Variants in RTN1 observed in about 807,000 individuals in gnomAD.
RTN1 encodes reticulon 1.
In RTN1, 25 loss-of-function variants were observed where a neutral mutation model predicts 65.5. That is an observed-to-expected ratio of 0.38 (90% CI 0.28 to 0.53). The LOEUF is 0.53. RTN1 is among the 20% of genes least tolerant of loss of function. The pLI, the probability that RTN1 is intolerant of heterozygous loss-of-function variation, is 0.79. For missense variants in RTN1, 983 were observed against 1,025.4 expected (o/e 0.96, Z 0.57); for synonymous variants, 471 against 447.6 (o/e 1.05, Z -0.66).
chr14:59,767,652 A>C (rs552177630), intron 1 of RTN1, among the ~76,000 whole-genome samples: 5 of 152,332 alleles, frequency 3.3e-5, no homozygotes, highest in African/African-American at 1.2e-4. Flanking sequence ...GGGGTGGGTT[A>C]CTTTAGATAA....
intron 3 of RTN1, among the ~76,000 whole-genome samples, chr14:59,615,322 G>C (rs1882071945): frequency 6.6e-6 from 1 of 152,118 alleles, no homozygotes. Flanking sequence ...GGTAGCGCAT[G>C]CCTGTAATCC....
intron 1 of RTN1, among the ~76,000 whole-genome samples, chr14:59,854,777 C>T (rs1887575374): frequency 6.6e-6 from 1 of 152,048 alleles, no homozygotes; most frequent in Non-Finnish European, 1.5e-5. Context: ...CACTTACTAG[C>T]TATATGATCA....
intron 3 of RTN1, among the ~76,000 whole-genome samples, chr14:59,698,948 T>G (rs906871130): frequency 1.3e-5 from 2 of 152,198 alleles, no homozygotes; most frequent in Non-Finnish European, 2.9e-5. Context: ...CAACTGGAGT[T>G]GCTGAGTCAT....
In RTN1 at chr14:59,836,240, C is replaced by A. The variant is rs1234111560; in HGVS notation, c.241+34150G>T. ...AGGTTCCAGGGATTAGACGTGGACA[C>A]CTTTGGGAGCCATTATTCTGCCTAC... On this transcript the variant is annotated intron_variant, in intron 1 of 8. Coordinates refer to ENST00000267484, the MANE Select transcript of RTN1 (RefSeq NM_021136.3). This position sits in a 1 kb window ranked among gnomAD's most constrained non-coding sequence, Gnocchi z 4.9. Among the ~76,000 whole-genome samples the A allele has an allele frequency of 1.3e-5, 2 of 152,228 alleles. No individual in the cohort carries two copies. Among genetic ancestry groups the A allele is most frequent in the Admixed American group, 6.5e-5 (1 of 15,270 alleles).
chr14:59,746,362 T>C lies in RTN1; in HGVS notation c.361A>G (p.Thr121Ala). The C allele has an allele frequency of 5.0e-6, 8 of 1,614,120 alleles. No individual in the cohort carries two copies. Among genetic ancestry groups the C allele is most frequent in the Non-Finnish European group, 6.8e-6 (8 of 1,179,982 alleles). ...TTCTGAAGAATTCCAGTAAAATATG[T>C]AGAATCCTCCTGAGGTGGATAGCAG... Reference protein sequence around the residue: ...DICYPPQEDSTYFTGILQKEN... With the variant: ...DICYPPQEDSAYFTGILQKEN... Residue 121 changes from threonine (T) to alanine (A), a missense_variant, in exon 2 of 9, where the codon ACA (threonine) becomes GCA (alanine). Physicochemically the swap from Thr to Ala is moderately conservative, Grantham distance 58. Coordinates refer to ENST00000267484, the MANE Select transcript of RTN1 (RefSeq NM_021136.3).
chr14:59,681,812 C>T (rs1177217379), intron 3 of RTN1, among the ~76,000 whole-genome samples: 1 of 152,170 alleles, frequency 6.6e-6, no homozygotes, highest in Non-Finnish European at 1.5e-5. Flanking sequence ...TCCCAGATTC[C>T]TGTTTCTGTC....
chr14:59,773,810 A>G (rs1238487362), intron 1 of RTN1, among the ~76,000 whole-genome samples: 1 of 152,136 alleles, frequency 6.6e-6, no homozygotes, highest in African/African-American at 2.4e-5. Flanking sequence ...TCATCTCATT[A>G]ATTATCCTAA....
At chr14:59,718,109 T>A (rs1335785409) in intron 3 of RTN1, among the ~76,000 whole-genome samples, 1 of 152,196 alleles carries the variant, frequency 6.6e-6, no homozygotes, top group East Asian at 1.9e-4. Context: ...TTCCTGCCAT[T>A]CACACCCACT....
chr14:59,801,464 GA>G (rs1308919738), intron 1 of RTN1, among the ~76,000 whole-genome samples: 1 of 151,740 alleles, frequency 6.6e-6, no homozygotes, highest in Non-Finnish European at 1.5e-5. Context: ...CATACTGAAA[GA>G]AAAAAATAGT....
At chr14:59,786,097 T>C (rs1886245302) in intron 1 of RTN1, among the ~76,000 whole-genome samples, 1 of 152,180 alleles carries the variant, frequency 6.6e-6, no homozygotes, top group Non-Finnish European at 1.5e-5. Context: ...CAATAGCTCA[T>C]AGAAGTCAAT....
At position 59,803,692 on chromosome 14, in the gene RTN1, T is replaced by G. The variant is rs1293480754; in HGVS notation, c.242-57211A>C. 1.3e-5 allele frequency among the ~76,000 whole-genome samples: 2 copies of G among 152,176 alleles called. No homozygotes were observed. The highest frequency in any genetic ancestry group is 4.8e-5 in the African/African-American group (2 of 41,432). On this transcript the variant is annotated intron_variant, in intron 1 of 8. Coordinates refer to ENST00000267484, the MANE Select transcript of RTN1 (RefSeq NM_021136.3). The surrounding 1 kb of genome is among the most constrained non-coding windows in gnomAD (Gnocchi z 5.6). Reference sequence around the variant, plus strand: ...TGCCTGGATACGTTACACTTTGCTTTTCATTCTAAACAGCACTTTCCTTTC... The same window carrying G: ...TGCCTGGATACGTTACACTTTGCTTGTCATTCTAAACAGCACTTTCCTTTC...
chr14:59,748,841 G>A (rs942041696), intron 1 of RTN1, among the ~76,000 whole-genome samples: 1 of 151,936 alleles, frequency 6.6e-6, no homozygotes, highest in African/African-American at 2.4e-5. Context: ...CCAGGCTGGA[G>A]TGCAGTGGAG....
rs1473654404 is a variant in RTN1 at position 59,836,601 on chromosome 14, T to G, written c.241+33789A>C. Among the ~76,000 whole-genome samples, 1 of 151,988 alleles carries G rather than the reference T, an allele frequency of 6.6e-6. No homozygotes were observed. The highest frequency in any genetic ancestry group is 1.5e-5 in the Non-Finnish European group (1 of 68,000). ...GATTTTTAAAATCATATGAACAAAA[T>G]AGTGGCAGCAGGAAAGCAAAAATGC... On this transcript the variant is annotated intron_variant, in intron 1 of 8. Coordinates refer to ENST00000267484, the MANE Select transcript of RTN1 (RefSeq NM_021136.3). This position sits in a 1 kb window ranked among gnomAD's most constrained non-coding sequence, Gnocchi z 4.9.
At position 59,750,713 on chromosome 14, in the gene RTN1, C is replaced by CT. The variant is rs1202552195; in HGVS notation, c.242-4233dup. On this transcript the variant is annotated intron_variant, in intron 1 of 8. Coordinates refer to ENST00000267484, the MANE Select transcript of RTN1 (RefSeq NM_021136.3). ...TAATATATATATTATATCTATATGT[C>CT]TTTTTTTTTTTTTTTTTGAGACAGA... Among the ~76,000 whole-genome samples the CT allele has an allele frequency of 1.2e-4, 7 of 59,724 alleles. 1 individual carries two copies. Among genetic ancestry groups the CT allele is most frequent in the African/African-American group, 5.3e-4 (4 of 7,496 alleles). The allele number at this position is 59,724 out of a possible 152,430, so 39.2% of individuals were successfully genotyped here.
At chr14:59,724,730 A>G (rs1324295505) in intron 3 of RTN1, among the ~76,000 whole-genome samples, 4 of 152,000 alleles carry the variant, frequency 2.6e-5, no homozygotes, top group Non-Finnish European at 5.9e-5. Context: ...CAGACGAAAA[A>G]AAAAAAAAAC....
In RTN1 at chr14:59,607,409, G is replaced by C. The variant is rs1881793796; in HGVS notation, c.1849C>G (p.Gln617Glu). ...SFLLLLFSLT[Q>E]FSVVSVVAYL... is the part of the protein sequence containing the mutation. ...GCCACGACGCTCACCACGCTGAACT[G>C]GGTCAGGGAGAAGAGCAGCAGCAGG... Residue 617 changes from glutamine (Q) to glutamate (E), a missense_variant, in exon 4 of 9, where the codon CAG (glutamine) becomes GAG (glutamate). Physicochemically the swap from Gln to Glu is conservative, Grantham distance 29. Around this residue, in one of 2 missense-constraint regions of RTN1, gnomAD observed 165 missense variants for 223.6 expected, o/e 0.74. Transcript: ENST00000267484. The C allele has an allele frequency of 6.2e-7, 1 of 1,613,842 alleles. No homozygotes were observed. The highest frequency in any genetic ancestry group is 1.3e-5 in the African/African-American group (1 of 74,932).
intron 2 of RTN1, among the ~76,000 whole-genome samples, chr14:59,743,908 T>G (rs1320330728): frequency 1.3e-5 from 2 of 152,188 alleles, no homozygotes; most frequent in African/African-American, 4.8e-5. Flanking sequence ...TTGTTTTTTA[T>G]TTTTCGTTAA....
chr14:59,763,693 C>T (rs1218191016), intron 1 of RTN1, among the ~76,000 whole-genome samples: 1 of 151,900 alleles, frequency 6.6e-6, no homozygotes, highest in Non-Finnish European at 1.5e-5. Flanking sequence ...CCACGACGCC[C>T]GGCTAATTTT....
intron 2 of RTN1, among the ~76,000 whole-genome samples, chr14:59,734,795 C>A (rs1311326936): frequency 2.0e-5 from 3 of 151,990 alleles, no homozygotes; most frequent in Admixed American, 6.6e-5. Flanking sequence ...AGAATAGAAC[C>A]AAGTTGGAAA....
Sources: gnomAD v4.1 joint callset for allele counts (sites outside exome capture counted in the v4.1 genomes callset) on GRCh38, gnomAD v4.1.1 for gene constraint, gnomAD v4.1.1 regional missense constraint, Gnocchi (gnomAD v3.1) non-coding constraint, MANE v1.5 for transcripts, NCBI Gene and HGNC (gene_info 2026-07-23, HGNC 2026-07-21) for gene names.